SLC37A1: variants seen among roughly 807,000 people sequenced by gnomAD.
SLC37A1 encodes the protein glucose-6-phosphate exchanger SLC37A1.
SLC37A1 carries 49 observed loss-of-function variants against 75.3 expected under a neutral mutation model. That is an observed-to-expected ratio of 0.65 (90% CI 0.52 to 0.83). The LOEUF (loss-of-function observed/expected upper bound fraction) is 0.83. SLC37A1 is among the 40% of genes least tolerant of loss of function. The pLI is 0.00. For synonymous variants in SLC37A1, 268 were observed against 292.1 expected (o/e 0.92, Z 0.84); for missense variants, 566 against 695.0 (o/e 0.81, Z 2.09).
rs1230853349 is a variant in SLC37A1 at position 42,581,247 on chromosome 21, A to G, written c.*887A>G. 2 of 152,622 alleles carry G rather than the reference A, an allele frequency of 1.3e-5. No individual in the cohort carries two copies. Among genetic ancestry groups the G allele is most frequent in the Non-Finnish European group, 2.9e-5 (2 of 68,054 alleles). The allele number at this position is 152,622 out of a possible 1,614,324, so 9.5% of individuals were successfully genotyped here. A position where few individuals can be genotyped will look rare whatever the true frequency, so the allele number is the denominator to read the frequency against. On this transcript the variant is annotated 3_prime_UTR_variant, in exon 20 of 20. Coordinates refer to ENST00000352133, the MANE Select transcript of SLC37A1 (RefSeq NM_001320537.2). The stretch of plus-strand genomic sequence containing the variant: ...CCACACCTGGGACTGTTTTTAATAC[A>G]TAGCAACAGACTGGGTTATTTATTT...
At chr21:42,570,062 T>G (rs918048479) in intron 17 of SLC37A1, among the ~76,000 whole-genome samples, 3 of 146,594 alleles carry the variant, frequency 2.0e-5, no homozygotes, top group Non-Finnish European at 3.0e-5. Context: ...GCGGGCAGGG[T>G]GGCCGTTGCC....
intron 9 of SLC37A1, among the ~76,000 whole-genome samples, chr21:42,553,133 C>T (rs990603306): frequency 3.3e-5 from 5 of 152,176 alleles, no homozygotes; most frequent in Non-Finnish European, 5.9e-5. Flanking sequence ...CCGTGTTTCC[C>T]GCCTTTTGGA....
At chr21:42,527,321 C>T (rs1049794235) in intron 3 of SLC37A1, among the ~76,000 whole-genome samples, 2 of 152,024 alleles carry the variant, frequency 1.3e-5, no homozygotes, top group African/African-American at 2.4e-5. Flanking sequence ...ACTATGAGGG[C>T]CCCTGTGAGC....
chr21:42,530,116 C>T (rs1034462675), intron 3 of SLC37A1, among the ~76,000 whole-genome samples: 3 of 152,104 alleles, frequency 2.0e-5, no homozygotes, highest in African/African-American at 4.8e-5. Context: ...ATCACAAGTC[C>T]GTATTATGAA....
At chr21:42,538,165 A>C (rs1270379304) in intron 5 of SLC37A1, among the ~76,000 whole-genome samples, 1 of 152,232 alleles carries the variant, frequency 6.6e-6, no homozygotes, top group African/African-American at 2.4e-5. Flanking sequence ...TGGTTGTGCC[A>C]GCTGTGCTGT....
At chr21:42,565,776 G>A (rs370160325) in intron 14 of SLC37A1, 51 bp from the exon 15 acceptor site, 18 of 1,549,210 alleles carry the variant, frequency 1.2e-5, no homozygotes, top group Non-Finnish European at 1.2e-5. Flanking sequence ...CAGCAATCTC[G>A]CACTGCTTGC....
upstream of SLC37A1, among the ~76,000 whole-genome samples, chr21:42,512,170 A>G (rs945271293): frequency 1.5e-5 from 2 of 135,886 alleles, no homozygotes; most frequent in African/African-American, 2.8e-5. Context: ...ATCACATCCT[A>G]TACTACAAAT....
At chr21:42,558,845 G>A in intron 10 of SLC37A1, 113 bp from the exon 11 acceptor site, 5 of 1,349,662 alleles carry the variant, frequency 3.7e-6, no homozygotes, top group Non-Finnish European at 5.1e-6. Flanking sequence ...CTCCAAGGCA[G>A]TGGAAGAGAG....
At chr21:42,534,976 C>T (rs1320369832) in intron 4 of SLC37A1, 146 bp downstream of exon 4, 11 of 1,148,794 alleles carry the variant, frequency 9.6e-6, no homozygotes, top group South Asian at 1.6e-5. Flanking sequence ...ATGACTTCAC[C>T]GCCACGGTGT....
intron 8 of SLC37A1, among the ~76,000 whole-genome samples, chr21:42,543,864 G>C (rs1601717375): frequency 6.6e-6 from 1 of 152,176 alleles, no homozygotes; most frequent in East Asian, 1.9e-4. Flanking sequence ...CCTTGCCCCG[G>C]CATCAGGAGT....
At chr21:42,503,021 T>C (rs1265864838) in intron 2 of SLC37A1, 2 of 152,250 alleles carry the variant, frequency 1.3e-5, no homozygotes, top group Non-Finnish European at 2.9e-5. Context: ...AAAATGCATA[T>C]ATATGTCTAT....
intron 3 of SLC37A1, among the ~76,000 whole-genome samples, chr21:42,529,148 CAAA>C (rs984292165): frequency 6.6e-6 from 1 of 151,818 alleles, no homozygotes; most frequent in Admixed American, 6.6e-5. Flanking sequence ...TGAGAATAGA[CAAA>C]AAAGTCAGTA....
chr21:42,535,437 C>T, intron 4 of SLC37A1, 35 bp from the exon 5 acceptor site: 1 of 1,570,186 alleles, frequency 6.4e-7, no homozygotes, highest in Non-Finnish European at 8.8e-7. Flanking sequence ...CTAAACAATA[C>T]TGAGCTTGTC....
intron 7 of SLC37A1, 114 bp downstream of exon 7, chr21:42,542,594 A>G (rs2055311148): frequency 2.0e-6 from 2 of 1,022,314 alleles, no homozygotes; most frequent in Non-Finnish European, 2.9e-6. Context: ...TTAAAATAAG[A>G]TGGCTGAAAC....
intron 17 of SLC37A1, among the ~76,000 whole-genome samples, chr21:42,574,494 G>A (rs79029257): frequency 3.3e-5 from 5 of 152,156 alleles, no homozygotes; most frequent in African/African-American, 4.8e-5. Context: ...TATTTTTTCA[G>A]ATTGTGGGAT....
chr21:42,519,090 C>T (rs1225572436), intron 2 of SLC37A1, among the ~76,000 whole-genome samples: 2 of 152,198 alleles, frequency 1.3e-5, no homozygotes, highest in African/African-American at 4.8e-5. Context: ...CTGCTGACCT[C>T]TTCTGGGAGA....
At position 42,547,045 on chromosome 21, in the gene SLC37A1, T is replaced by A; in HGVS notation, c.731-58T>A. 1 of 1,611,540 alleles carries A rather than the reference T, an allele frequency of 6.2e-7. No homozygotes were observed. The highest frequency in any genetic ancestry group is 2.2e-5 in the East Asian group (1 of 44,866). ...TGCCCTGTCCTCGGGTTACGTAGCT[T>A]ACTTGGCATTGCCATGGTGGTGGAC... On this transcript the variant is annotated intron_variant, in intron 8 of 19. Coordinates refer to ENST00000352133, the MANE Select transcript of SLC37A1 (RefSeq NM_001320537.2). This position sits in a 1 kb window ranked among gnomAD's most constrained non-coding sequence, Gnocchi z 6.1.
intron 17 of SLC37A1, among the ~76,000 whole-genome samples, chr21:42,570,121 CTGTTGCCATGTGACACA>C (rs1569040923): frequency 2.9e-5 from 2 of 68,252 alleles, no homozygotes; most frequent in Non-Finnish European, 4.0e-5. Context: ...GGCAGGGTGG[CTGTTGCCATGTGACACA>C]CGGCCTGGTT....
Position 42,569,086 on chromosome 21 carries a change from C to T in SLC37A1, c.1423+648C>T, listed in dbSNP as rs141247738. Reference sequence around the variant, plus strand: ...AGGAGGGTCCTTCCTACATGGGGGACGTTATGGGGGGCTGCCTGGTGTGGC... The same window carrying T: ...AGGAGGGTCCTTCCTACATGGGGGATGTTATGGGGGGCTGCCTGGTGTGGC... On this transcript the variant is annotated intron_variant, in intron 17 of 19. Transcript: ENST00000352133. Among the ~76,000 whole-genome samples, 64 of 152,234 alleles carry T rather than the reference C, an allele frequency of 4.2e-4. No individual in the cohort carries two copies. In the East Asian group the frequency reaches 0.012, roughly 29 times the overall value.
Sources: gnomAD v4.1 joint callset for allele counts (sites outside exome capture counted in the v4.1 genomes callset) on GRCh38, gnomAD v4.1.1 for gene constraint, Gnocchi (gnomAD v3.1) non-coding constraint, MANE v1.5 for transcripts, NCBI Gene and HGNC (gene_info 2026-07-23, HGNC 2026-07-21) for gene names.